Variants in CALD1 observed in about 807,000 individuals in gnomAD.
CALD1 encodes caldesmon 1, also known as caldesmon.
CALD1 carries 33 observed loss-of-function variants against 99.9 expected under a neutral mutation model. The ratio of observed to expected loss-of-function variants is 0.33; its 90% CI spans 0.25 to 0.44. The LOEUF is 0.44. Among genes scored for constraint, CALD1 ranks in the 20% least tolerant of loss-of-function variants. The pLI, the probability that CALD1 is intolerant of heterozygous loss-of-function variation, is 1.00. For synonymous variants in CALD1, 310 were observed against 325.0 expected, an observed-to-expected ratio of 0.95 and a Z score of 0.50; for missense variants, 861 against 962.1, an observed-to-expected ratio of 0.89 and a Z score of 1.39.
At chr7:134,760,211 C>T (rs1262100694) in intron 1 of CALD1, among the ~76,000 whole-genome samples, 1 of 152,146 alleles carries the variant, frequency 6.6e-6, no homozygotes, top group African/African-American at 2.4e-5. Context: ...GGATTGTACC[C>T]TGAGTGTGGT....
intron 3 of CALD1, among the ~76,000 whole-genome samples, chr7:134,913,744 A>G (rs928649121): frequency 7.2e-5 from 11 of 152,246 alleles, no homozygotes; most frequent in Non-Finnish European, 1.6e-4. Context: ...AGTTTCTGTC[A>G]TAATAATTGA....
chr7:134,789,031 T>TAAAAA (rs35315682), intron 1 of CALD1, among the ~76,000 whole-genome samples: 1 of 116,820 alleles, frequency 8.6e-6, no homozygotes, highest in Non-Finnish European at 1.7e-5. Flanking sequence ...AAACAAAAAG[T>TAAAAA]AAAAAAAAAA....
At chr7:134,947,884 C>A in intron 8 of CALD1, 115 bp downstream of exon 8, 1 of 1,250,124 alleles carries the variant, frequency 8.0e-7, no homozygotes, top group Non-Finnish European at 1.1e-6. Context: ...AATAAACTTA[C>A]CATGTGCTAG....
intron 3 of CALD1, among the ~76,000 whole-genome samples, chr7:134,892,848 C>A (rs1802305205): frequency 6.6e-6 from 1 of 152,172 alleles, no homozygotes; most frequent in Admixed American, 6.5e-5. Context: ...TAGCCCACTG[C>A]ACAATTCTAC....
chr7:134,717,372 T>C, the CALD1 span, among the ~76,000 whole-genome samples: 1 of 152,098 alleles, frequency 6.6e-6, no homozygotes, highest in Non-Finnish European at 1.5e-5. Context: ...AAAAGCCCAA[T>C]TGGAAAAGCA....
At chr7:134,878,623 G>C (rs992948012) in intron 3 of CALD1, among the ~76,000 whole-genome samples, 4 of 152,022 alleles carry the variant, frequency 2.6e-5, no homozygotes, top group Admixed American at 2.0e-4. Context: ...GTCTAAAGCT[G>C]CAAGAAGTAT....
chr7:134,953,660 T>G (rs966275079), intron 9 of CALD1, among the ~76,000 whole-genome samples: 90 of 128,924 alleles, frequency 7.0e-4, no homozygotes, highest in South Asian at 2.8e-3. Flanking sequence ...ACTGTGGTTT[T>G]TTTTTTTTGT....
chr7:134,829,096 G>C (rs546808266), intron 1 of CALD1, among the ~76,000 whole-genome samples: 2 of 152,152 alleles, frequency 1.3e-5, no homozygotes, highest in African/African-American at 4.8e-5. Context: ...TAAATGGCAG[G>C]CAACTGCAAA....
intron 9 of CALD1, among the ~76,000 whole-genome samples, chr7:134,954,783 A>G (rs917148580): frequency 6.6e-6 from 1 of 152,116 alleles, no homozygotes. Context: ...CCCCAGTCTC[A>G]CCACGCTGCG....
chr7:134,798,645 T>C (rs961240435), intron 1 of CALD1, among the ~76,000 whole-genome samples: 3 of 152,222 alleles, frequency 2.0e-5, no homozygotes, highest in Non-Finnish European at 2.9e-5. Flanking sequence ...CTACAATTTA[T>C]GGAAAATACC....
the CALD1 span, among the ~76,000 whole-genome samples, chr7:134,714,655 G>GTT: frequency 6.6e-6 from 1 of 152,244 alleles, no homozygotes; most frequent in African/African-American, 2.4e-5. Context: ...CTCATAGGCA[G>GTT]TTTGCTCAGA....
upstream of CALD1, among the ~76,000 whole-genome samples, chr7:134,742,184 T>C (rs181433695): frequency 4.3e-3 from 651 of 152,322 alleles, 4 homozygotes; most frequent in Non-Finnish European, 7.1e-3. Flanking sequence ...GCTTAAGTGT[T>C]ATCCAATTAG....
At chr7:134,771,694 G>A (rs948550215) in intron 1 of CALD1, among the ~76,000 whole-genome samples, 5 of 151,938 alleles carry the variant, frequency 3.3e-5, no homozygotes, top group African/African-American at 4.8e-5. Context: ...TACTTACCAC[G>A]GCTAGAAGCC....
chr7:134,924,877 A>G (rs145418827), intron 3 of CALD1, among the ~76,000 whole-genome samples: 163 of 152,072 alleles, frequency 1.1e-3, no homozygotes, highest in Non-Finnish European at 1.8e-3. Flanking sequence ...ACGAGATCTG[A>G]TGGTTTTATA....
chr7:134,723,637 G>C, the CALD1 span, among the ~76,000 whole-genome samples: 3 of 148,814 alleles, frequency 2.0e-5, no homozygotes, highest in Non-Finnish European at 3.0e-5. Flanking sequence ...TCAAGTGGGG[G>C]TGATTTTGTC....
chr7:134,966,246 T>C (rs1392139867), intron 14 of CALD1, among the ~76,000 whole-genome samples: 1 of 152,224 alleles, frequency 6.6e-6, no homozygotes, highest in East Asian at 1.9e-4. Context: ...TACAATTCAC[T>C]GCAGTGAGAG....
chr7:134,765,326 A>G (rs1796816094), intron 1 of CALD1, among the ~76,000 whole-genome samples: 1 of 152,116 alleles, frequency 6.6e-6, no homozygotes, highest in Non-Finnish European at 1.5e-5. Flanking sequence ...AAAAAAAAAA[A>G]AAAGAAAGAA....
chr7:134,861,521 G>A (rs1395410723), intron 2 of CALD1, among the ~76,000 whole-genome samples: 2 of 152,204 alleles, frequency 1.3e-5, no homozygotes, highest in Non-Finnish European at 2.9e-5. Context: ...GAAAGCAGGT[G>A]ATAGGTGTGA....
At position 134,933,969 on chromosome 7, in the gene CALD1, A is replaced by T; in HGVS notation, c.1200A>T (p.Gln400His). Residue 400 changes from glutamine to histidine, a missense_variant, in exon 5 of 15, where the codon CAA (glutamine) becomes CAT (histidine). Gln to His is a conservative substitution (Grantham distance 24). Coordinates refer to ENST00000361675, the MANE Select transcript of CALD1 (RefSeq NM_033138.4). ...TAGAAGAGAAAAAACATGCCATGCA[A>T]GAGACAAAGATAAAAGGGGAAAAGG... ...KQLEEKKHAMQETKIKGEKVE... is the reference protein window; with the variant it reads ...KQLEEKKHAMHETKIKGEKVE... 1 of 1,614,174 alleles carries T rather than the reference A, an allele frequency of 6.2e-7. No homozygotes were observed. Among genetic ancestry groups the T allele is most frequent in the Non-Finnish European group, 8.5e-7 (1 of 1,180,018 alleles).
Sources: allele counts gnomAD v4.1 joint callset (sites outside exome capture counted in the v4.1 genomes callset), GRCh38; gene constraint gnomAD v4.1.1; transcripts MANE v1.5; gene names NCBI Gene and HGNC (gene_info 2026-07-23, HGNC 2026-07-21).